IL18: variants seen among roughly 807,000 people sequenced by gnomAD.
The protein encoded by IL18 is interleukin-18.
IL18 carries 8 observed loss-of-function variants against 14.2 expected under a neutral mutation model. That is an observed-to-expected ratio of 0.56 (90% CI 0.33 to 1.01). The LOEUF (loss-of-function observed/expected upper bound fraction) is 1.01. Among genes scored for constraint, IL18 ranks in the 50% least tolerant of loss-of-function variants. The pLI, the probability that IL18 is intolerant of heterozygous loss-of-function variation, is 0.03. For synonymous variants in IL18, 67 were observed against 71.0 expected (o/e 0.94, Z 0.28); for missense variants, 166 against 231.1 (o/e 0.72, Z 1.83).
At chr11:112,157,386 G>A (rs976324877) in intron 1 of IL18, among the ~76,000 whole-genome samples, 2 of 152,176 alleles carry the variant, frequency 1.3e-5, no homozygotes, top group Non-Finnish European at 2.9e-5. Flanking sequence ...TGGATTTAGA[G>A]AAGGACAATA....
chr11:112,147,023 C>T (rs757458815), intron 5 of IL18, among the ~76,000 whole-genome samples: 2 of 151,144 alleles, frequency 1.3e-5, no homozygotes, highest in Non-Finnish European at 2.9e-5. Flanking sequence ...CTCTGCCTCC[C>T]GGGTTCAAAA....
At chr11:112,157,450 G>A (rs950323711) in intron 1 of IL18, among the ~76,000 whole-genome samples, 2 of 152,198 alleles carry the variant, frequency 1.3e-5, no homozygotes, top group Non-Finnish European at 2.9e-5. Flanking sequence ...TCAGGAATGT[G>A]GCCAGTAGCT....
intron 5 of IL18, among the ~76,000 whole-genome samples, chr11:112,145,724 G>A (rs1445521479): frequency 4.0e-5 from 6 of 151,670 alleles, no homozygotes; most frequent in African/African-American, 1.5e-4. Context: ...GGGCGACAGA[G>A]CGAGACTCCG....
At chr11:112,154,948 G>A in intron 2 of IL18, 27 bp downstream of exon 2, 1 of 1,364,932 alleles carries the variant, frequency 7.3e-7, no homozygotes, top group Non-Finnish European at 1.0e-6. Context: ...TCTGAACCTG[G>A]TATTTGTTCT....
At chr11:112,160,265 T>C (rs951909049) in intron 1 of IL18, among the ~76,000 whole-genome samples, 2 of 151,264 alleles carry the variant, frequency 1.3e-5, no homozygotes, top group Non-Finnish European at 2.9e-5. Flanking sequence ...CCTCCATTGT[T>C]GCCACAGTTA....
chr11:112,149,921 G>T, intron 4 of IL18, 151 bp downstream of exon 4: 1 of 698,568 alleles, frequency 1.4e-6, no homozygotes, highest in Non-Finnish European at 2.3e-6. Flanking sequence ...AAAAAACGTG[G>T]ATGCCTTATA....
intron 1 of IL18, among the ~76,000 whole-genome samples, chr11:112,160,334 A>T (rs530977418): frequency 2.9e-4 from 43 of 146,830 alleles, no homozygotes; most frequent in Middle Eastern, 3.4e-3. Context: ...TTTGCCTGCA[A>T]ACCCTGCCTC....
chr11:112,158,551 A>AC (rs1229026437), intron 1 of IL18, among the ~76,000 whole-genome samples: 58 of 106,956 alleles, frequency 5.4e-4, no homozygotes, highest in Non-Finnish European at 9.7e-4. Flanking sequence ...CAGTAACAAT[A>AC]CATCCCTTAG....
intron 5 of IL18, among the ~76,000 whole-genome samples, chr11:112,146,034 T>TTTC (rs1555190784): frequency 3.2e-4 from 1 of 3,156 alleles, no homozygotes; most frequent in African/African-American, 1.2e-3. Flanking sequence ...GATTTCTTTC[T>TTTC]TTTTTTTTTT....
At chr11:112,152,854 C>T (rs1051776671) in intron 3 of IL18, 3 of 152,328 alleles carry the variant, frequency 2.0e-5, no homozygotes, top group Admixed American at 6.5e-5. Flanking sequence ...CTATCTTATT[C>T]AGCTACTGTA....
Position 112,146,383 on chromosome 11 carries a change from C to T in IL18, c.360+2220G>A, listed in dbSNP as rs374124446. ...TCGCCCAGGCTGGAGTGCAGTGGTGCGATCTCAGCTCACTGCAGCCTACAC... is the reference window on the plus strand; with the variant it reads ...TCGCCCAGGCTGGAGTGCAGTGGTGTGATCTCAGCTCACTGCAGCCTACAC... On this transcript the variant is annotated intron_variant, in intron 5 of 5. Coordinates refer to ENST00000280357, the MANE Select transcript of IL18 (RefSeq NM_001562.4). Among the ~76,000 whole-genome samples the T allele has an allele frequency of 4.6e-5, 7 of 152,168 alleles. No homozygotes were observed. The East Asian group carries it at 1.2e-3, about 25-fold the overall frequency.
Position 112,143,740 on chromosome 11 carries a change from A to T in IL18, c.438T>A (p.Asp146Glu). ...ATGAAGATTCAAATTGCATCTTATTATCATGTCCTGGGACACTTCTCTGAA... is the reference window on the plus strand; with the variant it reads ...ATGAAGATTCAAATTGCATCTTATTTTCATGTCCTGGGACACTTCTCTGAA... ...IFFQRSVPGH[D>E]NKMQFESSSY... is the part of the protein sequence containing the mutation. Residue 146 changes from aspartate to glutamate, a missense_variant, in exon 6 of 6, where the codon GAT becomes GAA. By Grantham distance (45) the Asp-to-Glu change is conservative (BLOSUM62 2). Transcript: ENST00000280357. The T allele has an allele frequency of 6.2e-7, 1 of 1,612,842 alleles. No individual in the cohort carries two copies. Among genetic ancestry groups the T allele is most frequent in the African/African-American group, 1.3e-5 (1 of 75,028 alleles).
At position 112,143,350 on chromosome 11, in the gene IL18, G is replaced by A. The variant is rs1316989957; in HGVS notation, c.*246C>T. ...GGCTAGAGCGCAATGGTGCAATCTC[G>A]GCTCACCACAACCTCTACCTCCGGA... On this transcript the variant is annotated 3_prime_UTR_variant, in exon 6 of 6. Transcript: ENST00000280357. 8 of 329,904 alleles carry A rather than the reference G, an allele frequency of 2.4e-5. No homozygotes were observed. The highest frequency in any genetic ancestry group is 8.5e-5 in the African/African-American group (4 of 47,090). 20.4% of individuals were successfully genotyped at this position (329,904 alleles called of 1,614,324 possible).
chr11:112,148,765 T>C lies in IL18; in HGVS notation c.227-29A>G, dbSNP rs770497566. The C allele has an allele frequency of 3.0e-6, 4 of 1,319,638 alleles. No individual in the cohort carries two copies. In the East Asian group the frequency reaches 1.2e-4, roughly 38 times the overall value. 81.7% of individuals were successfully genotyped at this position (1,319,638 alleles called of 1,614,324 possible). On this transcript the variant is annotated intron_variant, in intron 4 of 5. Transcript: ENST00000280357. ...AAATAAATATAATAAATGAGAACTC[T>C]AGTTAGAAGAATTCTTGCACAGGAA...
At chr11:112,156,594 C>T (rs1248760079) in intron 1 of IL18, among the ~76,000 whole-genome samples, 1 of 151,916 alleles carries the variant, frequency 6.6e-6, no homozygotes, top group Admixed American at 6.6e-5. Flanking sequence ...CAGATGCGTG[C>T]CACCACACCC....
chr11:112,159,546 G>T (rs987494599), intron 1 of IL18, among the ~76,000 whole-genome samples: 1 of 152,178 alleles, frequency 6.6e-6, no homozygotes, highest in Non-Finnish European at 1.5e-5. Context: ...GGATGACTTC[G>T]TAGTTTTTGG....
intron 5 of IL18, among the ~76,000 whole-genome samples, chr11:112,145,576 A>G (rs566922891): frequency 6.6e-6 from 1 of 152,174 alleles, no homozygotes; most frequent in South Asian, 2.1e-4. Context: ...CGTCTCTACT[A>G]AAAATACAAA....
intron 1 of IL18, among the ~76,000 whole-genome samples, chr11:112,157,378 G>A (rs1264932433): frequency 6.6e-6 from 1 of 152,168 alleles, no homozygotes; most frequent in African/African-American, 2.4e-5. Context: ...TGAGTGAATG[G>A]ATTTAGAGAA....
At chr11:112,154,013 G>A (rs929303875) in intron 2 of IL18, among the ~76,000 whole-genome samples, 1 of 152,050 alleles carries the variant, frequency 6.6e-6, no homozygotes, top group Non-Finnish European at 1.5e-5. Flanking sequence ...AGGCTGGAGT[G>A]TAGGGGTGGG....
Sources: allele counts gnomAD v4.1 joint callset (sites outside exome capture counted in the v4.1 genomes callset), GRCh38; gene constraint gnomAD v4.1.1; transcripts MANE v1.5; gene names NCBI Gene and HGNC (gene_info 2026-07-23, HGNC 2026-07-21).